The following ANTXR1 variants were observed in gnomAD, a reference collection of about 807,000 sequenced individuals.
ANTXR1 encodes anthrax toxin receptor 1.
In ANTXR1, 19 loss-of-function variants were observed where a neutral mutation model predicts 78.1. The ratio of observed to expected loss-of-function variants is 0.24; its 90% CI spans 0.17 to 0.36. ANTXR1 has a LOEUF of 0.36. ANTXR1 is among the 10% of genes least tolerant of loss of function. The probability of loss-of-function intolerance (pLI) is 1.00; values close to 1 mark genes in which losing one functional copy is unlikely to be tolerated. For synonymous variants in ANTXR1, 273 were observed against 260.5 expected (o/e 1.05, Z -0.46); for missense variants, 518 against 718.6 (o/e 0.72, Z 3.19).
At chr2:69,190,412 C>T (rs1258648877) in intron 16 of ANTXR1, among the ~76,000 whole-genome samples, 1 of 152,200 alleles carries the variant, frequency 6.6e-6, no homozygotes. Context: ...GTTCAAATTG[C>T]TGGATTCCTA....
At chr2:69,239,515 T>G (rs1675847700) in intron 17 of ANTXR1, among the ~76,000 whole-genome samples, 1 of 152,128 alleles carries the variant, frequency 6.6e-6, no homozygotes, top group Non-Finnish European at 1.5e-5. Context: ...GAGGTTGTAG[T>G]GAGCCGAGAT....
intron 17 of ANTXR1, 42 bp downstream of exon 17, chr2:69,193,457 TCTCACATACACACACA>T: frequency 8.6e-7 from 1 of 1,164,372 alleles, no homozygotes; most frequent in African/African-American, 2.1e-5. Flanking sequence ...TCTCTCTCTC[TCTCACATACACACACA>T]CACACACACA....
Position 69,182,631 on chromosome 2 carries a change from T to TC in ANTXR1, c.1330dup (p.Arg444ProfsTer23). 6.2e-7 allele frequency: 1 copy of TC among 1,614,000 alleles called. No homozygotes were observed. Among genetic ancestry groups the TC allele is most frequent in the Non-Finnish European group, 8.5e-7 (1 of 1,180,012 alleles). On this transcript the variant is annotated frameshift_variant, in exon 16 of 18. Coordinates refer to ENST00000303714, the MANE Select transcript of ANTXR1 (RefSeq NM_032208.3). LOFTEE classifies it high-confidence loss of function. The stretch of plus-strand genomic sequence containing the variant: ...CAACAACAATATGCGTCGGCCTTCT[T>TC]CCCCCCGGAAGTGGTACTCTCCAAT...
intron 5 of ANTXR1, 55 bp from the exon 6 acceptor site, chr2:69,072,967 G>T: frequency 6.6e-7 from 1 of 1,509,146 alleles, no homozygotes; most frequent in Non-Finnish European, 9.2e-7. Context: ...GACTGAGAGG[G>T]TGTTTCCTTG....
chr2:69,226,111 T>G (rs1301494776), intron 17 of ANTXR1, among the ~76,000 whole-genome samples: 2 of 152,098 alleles, frequency 1.3e-5, no homozygotes, highest in Non-Finnish European at 2.9e-5. Context: ...ATCCTGTTCC[T>G]CAATGAGGGG....
At chr2:69,057,748 A>G (rs1176115454) in intron 3 of ANTXR1, among the ~76,000 whole-genome samples, 1 of 152,190 alleles carries the variant, frequency 6.6e-6, no homozygotes, top group Non-Finnish European at 1.5e-5. Context: ...CCTCACTTTA[A>G]ATTCAAAGCT....
rs932013472 is a variant in ANTXR1 at position 69,158,241 on chromosome 2, T to C, written c.1047+5977T>C. ...GACCAACTGTGGGCACACTCTACTC[T>C]TTGGGGCTCATTAAACATATCAGGT... On this transcript the variant is annotated intron_variant, in intron 13 of 17. Transcript: ENST00000303714. 2.6e-5 allele frequency among the ~76,000 whole-genome samples: 4 copies of C among 152,208 alleles called. No homozygotes were observed. The South Asian group carries it at 8.3e-4, about 31-fold the overall frequency.
rs577051224 is a variant in ANTXR1, at chr2:69,049,469, C to T, written c.296+4656C>T. 2.6e-5 allele frequency among the ~76,000 whole-genome samples: 4 copies of T among 152,108 alleles called. No homozygotes were observed. The East Asian group carries it at 7.7e-4, about 29-fold the overall frequency. ...GGGATTACAGGTGCACACCGCCATG[C>T]CAGGCTAATTTTTGCATTTTAGTAG... On this transcript the variant is annotated intron_variant, in intron 3 of 17. Transcript: ENST00000303714.
intron 9 of ANTXR1, among the ~76,000 whole-genome samples, chr2:69,096,290 G>GGAAGGAAGGAAGGA (rs1558541091): frequency 2.6e-4 from 5 of 18,906 alleles, no homozygotes; most frequent in Non-Finnish European, 4.5e-4. Flanking sequence ...GGAAGGAAGG[G>GGAAGGAAGGAAGGA]AGGAAGGGAG....
chr2:69,071,371 A>C (rs1436253439), intron 4 of ANTXR1, among the ~76,000 whole-genome samples: 1 of 152,236 alleles, frequency 6.6e-6, no homozygotes, highest in Admixed American at 6.5e-5. Context: ...TGTACTATAC[A>C]TTGTAGGCAA....
intron 3 of ANTXR1, among the ~76,000 whole-genome samples, chr2:69,052,963 T>C (rs1380899173): frequency 6.6e-6 from 1 of 152,194 alleles, no homozygotes; most frequent in African/African-American, 2.4e-5. Flanking sequence ...TTCCTAAATT[T>C]TTCCACATGT....
At chr2:69,241,246 C>T (rs549596501) in intron 17 of ANTXR1, among the ~76,000 whole-genome samples, 2 of 152,308 alleles carry the variant, frequency 1.3e-5, no homozygotes, top group East Asian at 3.9e-4. Flanking sequence ...TGCAGATTTG[C>T]TGGCCTACAT....
intron 3 of ANTXR1, among the ~76,000 whole-genome samples, chr2:69,061,600 G>C (rs1165344678): frequency 2.0e-5 from 3 of 151,856 alleles, no homozygotes; most frequent in African/African-American, 7.3e-5. Flanking sequence ...ATTTGATATG[G>C]ACAGACAGCC....
intron 12 of ANTXR1, chr2:69,146,348 GTTGA>G (rs1673226349): frequency 1.0e-6 from 1 of 985,340 alleles, no homozygotes; most frequent in African/African-American, 1.7e-5. Flanking sequence ...TAAAGGCCAT[GTTGA>G]TTGATTTTTT....
At chr2:69,231,959 G>A (rs116530816) in intron 17 of ANTXR1, among the ~76,000 whole-genome samples, 2,027 of 152,168 alleles carry the variant, frequency 0.013, 24 homozygotes, top group Non-Finnish European at 0.023. Flanking sequence ...GGGAAAAGAT[G>A]GCAGCCACCT....
At chr2:69,065,933 A>G (rs1670385500) in intron 3 of ANTXR1, among the ~76,000 whole-genome samples, 1 of 152,252 alleles carries the variant, frequency 6.6e-6, no homozygotes, top group African/African-American at 2.4e-5. Context: ...TTTACTGTGT[A>G]AGTTGAGAAC....
intron 13 of ANTXR1, among the ~76,000 whole-genome samples, chr2:69,154,379 G>T (rs1673472357): frequency 6.6e-6 from 1 of 152,120 alleles, no homozygotes; most frequent in Non-Finnish European, 1.5e-5. Context: ...CCAGTGCTTG[G>T]TCTGCCCCCT....
At chr2:69,072,198 CCA>C (rs1670585913) in intron 5 of ANTXR1, among the ~76,000 whole-genome samples, 1 of 152,144 alleles carries the variant, frequency 6.6e-6, no homozygotes, top group Non-Finnish European at 1.5e-5. Flanking sequence ...GATCAAAATA[CCA>C]GTTTGATTTA....
intron 12 of ANTXR1, among the ~76,000 whole-genome samples, chr2:69,137,648 A>G (rs369851589): frequency 1.5e-4 from 23 of 152,132 alleles, no homozygotes; most frequent in African/African-American, 5.5e-4. Flanking sequence ...TTAGCCAGGC[A>G]TGGTGGCTTG....
Sources: gnomAD v4.1 joint callset for allele counts (sites outside exome capture counted in the v4.1 genomes callset) on GRCh38, gnomAD v4.1.1 for gene constraint, MANE v1.5 for transcripts, NCBI Gene and HGNC (gene_info 2026-07-23, HGNC 2026-07-21) for gene names.